CCDC30: variants seen among roughly 807,000 people sequenced by gnomAD.
CCDC30 encodes the protein coiled-coil domain containing 30.
Under a neutral mutation model 100.2 loss-of-function variants are expected in CCDC30, and 70 were observed. The observed-to-expected ratio is 0.70, with a 90% CI of 0.58 to 0.85. CCDC30 has a LOEUF of 0.85. CCDC30 is among the 40% of genes least tolerant of loss of function. The pLI, the probability that CCDC30 is intolerant of heterozygous loss-of-function variation, is 0.00. For synonymous variants in CCDC30, 233 were observed against 269.5 expected, an observed-to-expected ratio of 0.86 and a Z score of 1.33; for missense variants, 652 against 771.2, an observed-to-expected ratio of 0.85 and a Z score of 1.83.
At chr1:42,488,103 G>T (rs1342586191) in intron 3 of CCDC30, among the ~76,000 whole-genome samples, 4 of 152,180 alleles carry the variant, frequency 2.6e-5, no homozygotes, top group African/African-American at 9.6e-5. Flanking sequence ...CCATAACTCT[G>T]CCCTAGCTAC....
intron 6 of CCDC30, among the ~76,000 whole-genome samples, chr1:42,510,966 G>T (rs953590233): frequency 2.6e-5 from 4 of 151,994 alleles, no homozygotes; most frequent in Non-Finnish European, 5.9e-5. Flanking sequence ...AAGTCTCAGG[G>T]TCAAAGGAGT....
At chr1:42,648,044 G>A (rs942841809) in intron 15 of CCDC30, among the ~76,000 whole-genome samples, 1 of 152,018 alleles carries the variant, frequency 6.6e-6, no homozygotes, top group Non-Finnish European at 1.5e-5. Context: ...GGGTTCAAGC[G>A]ATTCTCCTGC....
At chr1:42,489,670 AT>A (rs1470684752) in intron 3 of CCDC30, among the ~76,000 whole-genome samples, 2 of 152,188 alleles carry the variant, frequency 1.3e-5, no homozygotes, top group Non-Finnish European at 2.9e-5. Context: ...GTCTTCCTAA[AT>A]ATCACTGTGC....
chr1:42,482,845 C>T lies in CCDC30; in HGVS notation c.169+29C>T, dbSNP rs544580073. On this transcript the variant is annotated intron_variant, in intron 3 of 16. Coordinates refer to ENST00000668663, the Ensembl canonical transcript of CCDC30. ...AGCTGTGGTTTCAGATGACCATTTC[C>T]GATCATGCTTTAACTGTACTGATCT... 7.4e-5 allele frequency: 91 copies of T among 1,224,354 alleles called. No individual in the cohort carries two copies. The African/African-American group carries it at 1.0e-3, about 14-fold the overall frequency. The allele number at this position is 1,224,354 out of a possible 1,614,324, so 75.8% of individuals were successfully genotyped here.
intron 6 of CCDC30, among the ~76,000 whole-genome samples, chr1:42,518,397 A>T (rs969963253): frequency 3.3e-5 from 5 of 152,212 alleles, no homozygotes; most frequent in African/African-American, 1.2e-4. Flanking sequence ...GAGATCATAT[A>T]ATCTGCAAAC....
At chr1:42,468,286 TCTC>T (rs1312356881) in intron 1 of CCDC30, among the ~76,000 whole-genome samples, 1 of 152,248 alleles carries the variant, frequency 6.6e-6, no homozygotes, top group African/African-American at 2.4e-5. Context: ...AGATTTCTTC[TCTC>T]CTGATATTAT....
chr1:42,625,196 ATAC>A (rs1179596505), intron 11 of CCDC30, among the ~76,000 whole-genome samples: 29 of 152,182 alleles, frequency 1.9e-4, no homozygotes, highest in African/African-American at 6.3e-4. Context: ...GCCACTAACG[ATAC>A]TTTGAATTTC....
At chr1:42,648,644 T>A (rs527297018) in intron 15 of CCDC30, among the ~76,000 whole-genome samples, 1 of 152,094 alleles carries the variant, frequency 6.6e-6, no homozygotes, top group African/African-American at 2.4e-5. Flanking sequence ...CTCTCCAGCC[T>A]GGGTGACAGA....
At chr1:42,482,946 A>G in intron 3 of CCDC30, 130 bp downstream of exon 3, 1 of 621,098 alleles carries the variant, frequency 1.6e-6, no homozygotes, top group East Asian at 3.5e-5. Flanking sequence ...AAAAGTGATG[A>G]ACAGCCTCAT....
At chr1:42,555,891 T>C (rs1185467311) in intron 6 of CCDC30, among the ~76,000 whole-genome samples, 1 of 152,172 alleles carries the variant, frequency 6.6e-6, no homozygotes, top group Non-Finnish European at 1.5e-5. Context: ...GGTTTCACCA[T>C]GTTGGCCAGG....
chr1:42,532,900 G>C (rs1447589682), intron 6 of CCDC30, among the ~76,000 whole-genome samples: 1 of 152,264 alleles, frequency 6.6e-6, no homozygotes, highest in Non-Finnish European at 1.5e-5. Flanking sequence ...CAAGTAGCTG[G>C]GACTACAGGC....
intron 10 of CCDC30, among the ~76,000 whole-genome samples, chr1:42,608,716 CAAAAAAAA>C (rs3044834): frequency 1.8e-5 from 1 of 55,428 alleles, no homozygotes; most frequent in South Asian, 8.9e-4. Flanking sequence ...CTCTCTGTCT[CAAAAAAAA>C]AAAAAAAAAA....
rs192099517 is a variant in CCDC30 at position 42,528,161 on chromosome 1, C to T, written c.456+29245C>T. Among the ~76,000 whole-genome samples, 281 of 152,186 alleles carry T rather than the reference C, an allele frequency of 1.8e-3. 2 individuals carry two copies. Among genetic ancestry groups the T allele is most frequent in the South Asian group, 5.4e-3 (26 of 4,826 alleles). On this transcript the variant is annotated intron_variant, in intron 6 of 16. Transcript: ENST00000668663. ...GATTACAGGCATGAGCCACTGAGCC[C>T]GGCCTCCTCTACCTTTTCTAGTGGC... is the stretch of plus-strand genomic sequence containing the variant.
chr1:42,483,146 G>A (rs12028842), intron 3 of CCDC30: 37,193 of 192,258 alleles, frequency 0.19, 4,029 homozygotes, highest in South Asian at 0.43. Flanking sequence ...CAGTTTCTGC[G>A]TTTGACTATA....
chr1:42,469,319 CTG>C (rs1356197200), intron 1 of CCDC30, among the ~76,000 whole-genome samples: 3 of 152,308 alleles, frequency 2.0e-5, no homozygotes, highest in East Asian at 3.9e-4. Flanking sequence ...GAGTTTGAAA[CTG>C]TAGTGAGCTA....
chr1:42,632,582 G>C (rs1647059354), intron 11 of CCDC30, among the ~76,000 whole-genome samples: 1 of 151,344 alleles, frequency 6.6e-6, no homozygotes, highest in Admixed American at 6.6e-5. Flanking sequence ...TCAACATGGA[G>C]AAACCCTGTC....
chr1:42,614,400 T>C (rs1043811090), intron 11 of CCDC30, among the ~76,000 whole-genome samples: 5 of 151,950 alleles, frequency 3.3e-5, no homozygotes, highest in African/African-American at 1.2e-4. Flanking sequence ...AATTGAGATA[T>C]AATTTGCGTA....
chr1:42,459,987 A>C, upstream of CCDC30: 3 of 1,506,378 alleles, frequency 2.0e-6, no homozygotes, highest in Non-Finnish European at 2.6e-6. Context: ...TGAAAACTAC[A>C]AAAAAAACCA....
At chr1:42,615,622 C>A (rs12081092) in intron 11 of CCDC30, among the ~76,000 whole-genome samples, 45,517 of 151,674 alleles carry the variant, frequency 0.3, 6,999 homozygotes, top group Middle Eastern at 0.35. Context: ...TTAAAAAAAA[C>A]CCTACGATTC....
Sources: gnomAD v4.1 joint callset for allele counts (sites outside exome capture counted in the v4.1 genomes callset) on GRCh38, gnomAD v4.1.1 for gene constraint, MANE v1.5 for transcripts, NCBI Gene and HGNC (gene_info 2026-07-23, HGNC 2026-07-21) for gene names.